Variants in DOCK2 observed in about 807,000 individuals in gnomAD.
DOCK2 encodes the protein dedicator of cytokinesis 2.
DOCK2 carries 87 observed loss-of-function variants against 248.9 expected under a neutral mutation model. That is an observed-to-expected ratio of 0.35 (90% confidence interval 0.29 to 0.42). DOCK2 has a LOEUF of 0.42. Ranked by LOEUF, DOCK2 falls within the 10% of genes least tolerant of loss-of-function variation. The pLI is 1.00. For synonymous variants in DOCK2, 805 were observed against 821.6 expected, an observed-to-expected ratio of 0.98 and a Z score of 0.35; for missense variants, 1,747 against 2,300.2, an observed-to-expected ratio of 0.76 and a Z score of 4.92.
intron 27 of DOCK2, among the ~76,000 whole-genome samples, chr5:169,876,046 TC>T (rs1160083425): frequency 1.3e-5 from 2 of 152,146 alleles, no homozygotes; most frequent in East Asian, 3.9e-4. Flanking sequence ...AGAGAAAACA[TC>T]CCTTGCCTTC....
At chr5:169,679,588 G>T (rs1759538472) in intron 6 of DOCK2, among the ~76,000 whole-genome samples, 1 of 152,210 alleles carries the variant, frequency 6.6e-6, no homozygotes. Context: ...ATTTTGAGGA[G>T]AAACAGCCAG....
chr5:170,037,998 C>A (rs1756380088), intron 36 of DOCK2, among the ~76,000 whole-genome samples: 1 of 152,148 alleles, frequency 6.6e-6, no homozygotes, highest in Non-Finnish European at 1.5e-5. Flanking sequence ...GAAATAGGAG[C>A]TATCATTTGG....
At chr5:169,725,369 A>C (rs1382936354) in intron 22 of DOCK2, among the ~76,000 whole-genome samples, 1 of 152,232 alleles carries the variant, frequency 6.6e-6, no homozygotes, top group African/African-American at 2.4e-5. Flanking sequence ...TGCAGTACTC[A>C]GGGAAAGCTA....
At chr5:169,999,656 A>C (rs1187511149) in intron 30 of DOCK2, among the ~76,000 whole-genome samples, 3 of 152,188 alleles carry the variant, frequency 2.0e-5, no homozygotes, top group African/African-American at 7.2e-5. Context: ...TATTTATTGA[A>C]AAGTACCCAA....
At chr5:169,933,475 A>G (rs1392508452) in intron 27 of DOCK2, among the ~76,000 whole-genome samples, 1 of 152,256 alleles carries the variant, frequency 6.6e-6, no homozygotes, top group Non-Finnish European at 1.5e-5. Flanking sequence ...TATCCTGAGC[A>G]TCAAGAGTCT....
At chr5:170,030,171 G>A (rs574816128) in intron 34 of DOCK2, among the ~76,000 whole-genome samples, 3 of 152,294 alleles carry the variant, frequency 2.0e-5, no homozygotes, top group South Asian at 2.1e-4. Flanking sequence ...GGGGCTCTGC[G>A]GCGGTCTTCA....
At chr5:169,913,619 C>T (rs1443570434) in intron 27 of DOCK2, among the ~76,000 whole-genome samples, 4 of 152,152 alleles carry the variant, frequency 2.6e-5, no homozygotes, top group Admixed American at 6.5e-5. Context: ...GGTTTGTATG[C>T]TCTTGGCTTT....
intron 27 of DOCK2, among the ~76,000 whole-genome samples, chr5:169,853,995 TG>T (rs1176409671): frequency 6.7e-6 from 1 of 148,454 alleles, no homozygotes; most frequent in Non-Finnish European, 1.5e-5. Context: ...ACCACCATGC[TG>T]GGCTAATTTT....
chr5:169,940,133 C>T (rs577201679), intron 27 of DOCK2, among the ~76,000 whole-genome samples: 133 of 152,244 alleles, frequency 8.7e-4, no homozygotes, highest in African/African-American at 2.9e-3. Flanking sequence ...ATTGAAGTAG[C>T]GCCTTCTTCC....
At chr5:169,903,921 G>A (rs947602484) in intron 27 of DOCK2, among the ~76,000 whole-genome samples, 1 of 151,938 alleles carries the variant, frequency 6.6e-6, no homozygotes, top group Non-Finnish European at 1.5e-5. Context: ...CCAACATGGC[G>A]AAGCTCTGCC....
chr5:169,682,006 T>A, intron 7 of DOCK2, 127 bp downstream of exon 7: 1 of 1,316,556 alleles, frequency 7.6e-7, no homozygotes, highest in Non-Finnish European at 1.0e-6. Context: ...CCTGAGATGA[T>A]CAGCAACCAC....
At chr5:170,012,415 A>G (rs1315067589) in intron 32 of DOCK2, among the ~76,000 whole-genome samples, 1 of 152,236 alleles carries the variant, frequency 6.6e-6, no homozygotes, top group African/African-American at 2.4e-5. Flanking sequence ...TTAAGGCCAG[A>G]AGCAATCAGG....
intron 25 of DOCK2, among the ~76,000 whole-genome samples, chr5:169,797,013 T>C (rs1766693675): frequency 6.6e-6 from 1 of 152,230 alleles, no homozygotes; most frequent in South Asian, 2.1e-4. Flanking sequence ...GGGACTCCTG[T>C]GCAGGGAGCA....
chr5:169,674,242 T>G (rs901403929), intron 5 of DOCK2, 55 bp from the exon 6 acceptor site: 26 of 1,591,734 alleles, frequency 1.6e-5, no homozygotes, highest in Non-Finnish European at 1.1e-5. Context: ...GCCTGCCAAA[T>G]AGATGGTCAT....
intron 25 of DOCK2, among the ~76,000 whole-genome samples, chr5:169,770,892 A>G (rs912190039): frequency 1.3e-5 from 2 of 152,160 alleles, no homozygotes; most frequent in Non-Finnish European, 2.9e-5. Context: ...TGTTTCTTCT[A>G]TTGAAAGCAC....
intron 27 of DOCK2, among the ~76,000 whole-genome samples, chr5:169,935,034 G>A (rs1322635730): frequency 6.6e-6 from 1 of 152,180 alleles, no homozygotes; most frequent in African/African-American, 2.4e-5. Flanking sequence ...GGGAAGGCGG[G>A]AAAATTAATA....
rs116579930 is a variant in DOCK2 at position 170,026,229 on chromosome 5, A to G, written c.3382-1634A>G. Among the ~76,000 whole-genome samples, 382 of 152,272 alleles carry G rather than the reference A, an allele frequency of 2.5e-3. 1 individual carries two copies. The highest frequency in any genetic ancestry group is 9.0e-3 in the African/African-American group (372 of 41,556). Reference sequence around the variant, plus strand: ...TTCATCACCTAAAGATTCCAACTCCATGGAGCTCTATCCTTTATGCCCAGG... The same window carrying G: ...TTCATCACCTAAAGATTCCAACTCCGTGGAGCTCTATCCTTTATGCCCAGG... On this transcript the variant is annotated intron_variant, in intron 33 of 51. Transcript: ENST00000520908.
chr5:170,012,994 CTA>C (rs1264125660), intron 32 of DOCK2, among the ~76,000 whole-genome samples: 4 of 151,976 alleles, frequency 2.6e-5, no homozygotes, highest in African/African-American at 9.7e-5. Context: ...GGGAGTGGAG[CTA>C]TCTAGTAGGG....
chr5:169,744,170 A>G (rs1763477318), intron 22 of DOCK2, among the ~76,000 whole-genome samples: 1 of 152,168 alleles, frequency 6.6e-6, no homozygotes, highest in Non-Finnish European at 1.5e-5. Context: ...CTGAGAACAT[A>G]GAAGAAGAAT....
Sources: allele counts gnomAD v4.1 joint callset (sites outside exome capture counted in the v4.1 genomes callset), GRCh38; gene constraint gnomAD v4.1.1; transcripts MANE v1.5; gene names NCBI Gene and HGNC (gene_info 2026-07-23, HGNC 2026-07-21).